CCDC149: variants seen among roughly 807,000 people sequenced by gnomAD.
The protein encoded by CCDC149 is coiled-coil domain-containing protein 149.
Under a neutral mutation model 59.9 loss-of-function variants are expected in CCDC149, and 45 were observed. The ratio of observed to expected loss-of-function variants is 0.75; its 90% confidence interval spans 0.59 to 0.96. The LOEUF is 0.96. Ranked by LOEUF, CCDC149 falls within the 40% of genes least tolerant of loss-of-function variation. The pLI is 0.00. For missense variants in CCDC149, 584 were observed against 664.7 expected (o/e 0.88, Z 1.33); for synonymous variants, 245 against 260.6 (o/e 0.94, Z 0.58).
upstream of CCDC149, among the ~76,000 whole-genome samples, chr4:24,917,593 C>T (rs1053728604): frequency 2.6e-5 from 4 of 151,868 alleles, no homozygotes; most frequent in Non-Finnish European, 5.9e-5. Context: ...AGAGACAGGG[C>T]CTGGGGTGCC....
At chr4:24,900,589 C>T (rs1443783958) in intron 1 of CCDC149, among the ~76,000 whole-genome samples, 1 of 152,222 alleles carries the variant, frequency 6.6e-6, no homozygotes, top group Non-Finnish European at 1.5e-5. Flanking sequence ...CACAGGTGGC[C>T]ACAGTCCTTT....
intron 1 of CCDC149, among the ~76,000 whole-genome samples, chr4:24,907,377 A>T (rs1029789338): frequency 5.3e-5 from 8 of 152,146 alleles, no homozygotes; most frequent in African/African-American, 1.9e-4. Context: ...TTACTTGGGG[A>T]TCTACCCTAG....
At chr4:24,971,078 G>C (rs537170632) in intron 1 of CCDC149, among the ~76,000 whole-genome samples, 2 of 152,194 alleles carry the variant, frequency 1.3e-5, no homozygotes, top group Non-Finnish European at 2.9e-5. Flanking sequence ...ACACAATGTT[G>C]TACCTTTATC....
At chr4:24,861,263 G>GCACACACA (rs35082191) in intron 3 of CCDC149, among the ~76,000 whole-genome samples, 1 of 148,400 alleles carries the variant, frequency 6.7e-6, no homozygotes, top group Non-Finnish European at 1.5e-5. Context: ...ATATATATAT[G>GCACACACA]CACACACACA....
chr4:24,834,556 T>C (rs1406261901), intron 8 of CCDC149, among the ~76,000 whole-genome samples: 2 of 152,086 alleles, frequency 1.3e-5, no homozygotes, highest in Non-Finnish European at 1.5e-5. Flanking sequence ...GCTGAATTGG[T>C]GATTAGGAAA....
chr4:24,936,355 A>G (rs981366783), intron 1 of CCDC149, among the ~76,000 whole-genome samples: 13 of 152,170 alleles, frequency 8.5e-5, no homozygotes, highest in African/African-American at 2.9e-4. Flanking sequence ...TATTATATAT[A>G]TATCATCAAA....
At chr4:24,819,258 G>A (rs1391878315) in intron 12 of CCDC149, among the ~76,000 whole-genome samples, 1 of 152,248 alleles carries the variant, frequency 6.6e-6, no homozygotes, top group Non-Finnish European at 1.5e-5. Context: ...TCCAGCCCAA[G>A]TTCTCATAGC....
In CCDC149 at chr4:24,912,910, C is replaced by T. The variant is rs1310284026; in HGVS notation, c.-31G>A. On this transcript the variant is annotated 5_prime_UTR_variant, in exon 1 of 13. Coordinates refer to ENST00000635206, the MANE Select transcript of CCDC149 (RefSeq NM_001330643.2). The stretch of plus-strand genomic sequence containing the variant: ...GGCCGGCCTCCTGGACCCCCGCCGC[C>T]TCCTCCTCCTCGCGACGTCGCGTCG... 8 of 1,245,366 alleles carry T rather than the reference C, an allele frequency of 6.4e-6. No homozygotes were observed. The highest frequency in any genetic ancestry group is 6.0e-5 in the Admixed American group (2 of 33,320). The allele number at this position is 1,245,366 out of a possible 1,614,324, so 77.1% of individuals were successfully genotyped here. A position where few individuals can be genotyped will look rare whatever the true frequency, so the allele number is the denominator to read the frequency against.
intron 9 of CCDC149, chr4:24,829,498 G>A (rs955527406): frequency 5.3e-5 from 8 of 152,090 alleles, no homozygotes; most frequent in African/African-American, 1.9e-4. Flanking sequence ...CAGTGGAGAA[G>A]GCTGGAGTTT....
At chr4:24,928,738 C>T (rs916333492) in intron 1 of CCDC149, among the ~76,000 whole-genome samples, 2 of 152,030 alleles carry the variant, frequency 1.3e-5, no homozygotes, top group African/African-American at 4.8e-5. Flanking sequence ...TTACAGCAAC[C>T]CTAGGAAACT....
chr4:24,825,554 A>G (rs1196735430), intron 9 of CCDC149, among the ~76,000 whole-genome samples: 1 of 152,074 alleles, frequency 6.6e-6, no homozygotes, highest in African/African-American at 2.4e-5. Flanking sequence ...CAGGCGGATC[A>G]CGAGGTCAGG....
intron 1 of CCDC149, among the ~76,000 whole-genome samples, chr4:24,934,770 G>A (rs902583350): frequency 1.3e-5 from 2 of 152,194 alleles, no homozygotes; most frequent in African/African-American, 4.8e-5. Flanking sequence ...CAAAGGCCTT[G>A]AGATAGAAAC....
intron 3 of CCDC149, among the ~76,000 whole-genome samples, chr4:24,860,859 C>T (rs1718334333): frequency 6.6e-6 from 1 of 152,122 alleles, no homozygotes; most frequent in African/African-American, 2.4e-5. Flanking sequence ...CTCAACATCA[C>T]TAATTATCAG....
At chr4:24,814,969 A>C (rs901721053) in intron 12 of CCDC149, among the ~76,000 whole-genome samples, 3 of 152,214 alleles carry the variant, frequency 2.0e-5, no homozygotes, top group African/African-American at 7.2e-5. Context: ...CTCCACCTCC[A>C]CAACTTTCAT....
intron 12 of CCDC149, among the ~76,000 whole-genome samples, chr4:24,813,656 C>T (rs181519983): frequency 7.9e-5 from 12 of 151,616 alleles, no homozygotes; most frequent in African/African-American, 2.4e-4. Flanking sequence ...AGTATTGATA[C>T]GATATAAAAG....
chr4:24,835,604 A>G (rs946761585), intron 7 of CCDC149, among the ~76,000 whole-genome samples: 1 of 152,228 alleles, frequency 6.6e-6, no homozygotes, highest in Non-Finnish European at 1.5e-5. Flanking sequence ...GCATCCACAC[A>G]TTTTTAAAAA....
At chr4:24,834,397 A>G (rs1214468134) in intron 8 of CCDC149, among the ~76,000 whole-genome samples, 2 of 152,196 alleles carry the variant, frequency 1.3e-5, no homozygotes, top group Admixed American at 1.3e-4. Flanking sequence ...AATCGACAAG[A>G]AGGAGGAAAA....
At chr4:24,914,824 A>C (rs528856831), upstream of CCDC149, among the ~76,000 whole-genome samples, 1 of 152,350 alleles carries the variant, frequency 6.6e-6, no homozygotes, top group Non-Finnish European at 1.5e-5. Flanking sequence ...GCAGCCCTTC[A>C]AAAAGCAATA....
chr4:24,905,775 G>A (rs1016351160), intron 1 of CCDC149, among the ~76,000 whole-genome samples: 2 of 152,138 alleles, frequency 1.3e-5, no homozygotes, highest in African/African-American at 4.8e-5. Flanking sequence ...AATTAAACAT[G>A]GGCACATTCT....
Sources: gnomAD v4.1 joint callset for allele counts (sites outside exome capture counted in the v4.1 genomes callset) on GRCh38, gnomAD v4.1.1 for gene constraint, MANE v1.5 for transcripts, NCBI Gene and HGNC (gene_info 2026-07-23, HGNC 2026-07-21) for gene names.